Variants in TMEM59L observed in about 807,000 individuals in gnomAD.
The protein encoded by TMEM59L is transmembrane protein 59 like, also known as transmembrane protein 59-like.
TMEM59L carries 31 observed loss-of-function variants against 39.6 expected under a neutral mutation model. The ratio of observed to expected loss-of-function variants is 0.78; its 90% CI spans 0.59 to 1.06. The LOEUF is 1.06. Ranked by LOEUF, TMEM59L falls within the 50% of genes least tolerant of loss-of-function variation. The pLI is 0.00. For synonymous variants in TMEM59L, 219 were observed against 202.9 expected (o/e 1.08, Z -0.68); for missense variants, 441 against 451.3 (o/e 0.98, Z 0.21).
chr19:18,612,876 G>A lies in TMEM59L; in HGVS notation c.-83G>A. 8.6e-7 allele frequency: 1 copy of A among 1,161,296 alleles called. No individual in the cohort carries two copies. Among genetic ancestry groups the A allele is most frequent in the Non-Finnish European group, 1.1e-6 (1 of 922,458 alleles). 71.9% of individuals were successfully genotyped at this position (1,161,296 alleles called of 1,614,324 possible). A position where few individuals can be genotyped will look rare whatever the true frequency, so the allele number is the denominator to read the frequency against. ...GCTGCCTCGCTCGGGTGACGTCAGCGCCCCGGTCCCCGCCGCAGCCGCTGC... is the reference window on the plus strand; with the variant it reads ...GCTGCCTCGCTCGGGTGACGTCAGCACCCCGGTCCCCGCCGCAGCCGCTGC... On this transcript the variant is annotated 5_prime_UTR_variant, in exon 1 of 8. Transcript: ENST00000262817. This position sits in a 1 kb window ranked among gnomAD's most constrained non-coding sequence, Gnocchi z 6.2.
At position 18,618,683 on chromosome 19, in the gene TMEM59L, AT is replaced by A. The variant is rs1408495921; in HGVS notation, c.900+192del. On this transcript the variant is annotated intron_variant, in intron 7 of 7. Coordinates refer to ENST00000262817, the MANE Select transcript of TMEM59L (RefSeq NM_012109.3). ...TGTGTGTGTGTGTGTGTATATATAT[AT>A]ATATAATATATATATATATATTTTT... Among the ~76,000 whole-genome samples the A allele has an allele frequency of 3.6e-4, 50 of 136,996 alleles. 2 individuals are homozygous for A. Among genetic ancestry groups the A allele is most frequent in the South Asian group, 2.3e-4 (1 of 4,416 alleles). 89.9% of individuals were successfully genotyped at this position (136,996 alleles called of 152,430 possible).
rs112991391 is a variant in TMEM59L, at chr19:18,614,153, C to T, written c.366C>T (p.His122=). The part of the protein sequence containing the change: ...VKEAEQQACS[H]GCWSQPAEPE... ...AGGCAGAGCAGCAGGCCTGTAGCCA[C>T]GGCTGCTGGAGCCAGCCCGCGGAGC... is the stretch of plus-strand genomic sequence containing the variant. Residue 122 remains histidine (H), a synonymous_variant, in exon 3 of 8, where the codon CAC becomes CAT. Transcript: ENST00000262817. The T allele has an allele frequency of 2.2e-4, 358 of 1,609,426 alleles. 3 individuals carry two copies. The African/African-American group carries it at 2.7e-3, about 12-fold the overall frequency.
Position 18,620,521 on chromosome 19 carries a change from C to T in TMEM59L, c.1014C>T (p.Asp338=). The change falls in exon 8 of 8, where the codon GAC becomes GAT. Residue 338 remains aspartate, a synonymous_variant. Coordinates refer to ENST00000262817, the MANE Select transcript of TMEM59L (RefSeq NM_012109.3). ...TACCACCCTACAAGCTGAAGCTGGA[C>T]CTGACCAAGCTGTAGGCCTCCACTG... ...DSLPPYKLKL[D]LTKL is the part of the protein sequence containing the mutation. The T allele has an allele frequency of 1.2e-6, 2 of 1,613,734 alleles. No homozygotes were observed. The highest frequency in any genetic ancestry group is 2.2e-5 in the South Asian group (2 of 91,080).
At position 18,620,840 on chromosome 19, in the gene TMEM59L, T is replaced by C. The variant is rs946342805; in HGVS notation, c.*304T>C. ...CCCCAGTCCTGTGTCACCTTCCTTT[T>C]TCCTTCTATGTCCCCTCTCTGCGGG... On this transcript the variant is annotated 3_prime_UTR_variant, in exon 8 of 8. Transcript: ENST00000262817. 2 of 206,300 alleles carry C rather than the reference T, an allele frequency of 9.7e-6. No individual in the cohort carries two copies. The highest frequency in any genetic ancestry group is 1.8e-5 in the Non-Finnish European group (2 of 110,596). 12.8% of individuals were successfully genotyped at this position (206,300 alleles called of 1,614,324 possible).
Position 18,618,479 on chromosome 19 carries a change from ACCT to A in TMEM59L, c.889_891del (p.Leu297del), listed in dbSNP as rs1976456596. On this transcript the variant is annotated inframe_deletion, in exon 7 of 8. Transcript: ENST00000262817. The stretch of plus-strand genomic sequence containing the variant: ...ACCCTGGTGACCGCGCCTGGCCAGC[ACCT>A]CAAGTTCCAGGTGGGTGGGATCTGT... 1.2e-6 allele frequency: 2 copies of A among 1,602,752 alleles called. No individual in the cohort carries two copies. The highest frequency in any genetic ancestry group is 2.7e-5 in the African/African-American group (2 of 74,616).
Position 18,612,950 on chromosome 19 carries a change from CG to C in TMEM59L, c.-8del. On this transcript the variant is annotated 5_prime_UTR_variant, in exon 1 of 8. Transcript: ENST00000262817. The surrounding 1 kb of genome is among the most constrained non-coding windows in gnomAD (Gnocchi z 6.2). ...GGAGTCCCCCGCGCCCCCCGCGTTC[CG>C]CCCGGCCATGGCTGCGGTGGCGCTG... is the stretch of plus-strand genomic sequence containing the variant. The C allele has an allele frequency of 2.3e-6, 3 of 1,300,712 alleles. No individual in the cohort carries two copies. The highest frequency in any genetic ancestry group is 2.9e-6 in the Non-Finnish European group (3 of 1,029,030). 80.6% of individuals were successfully genotyped at this position (1,300,712 alleles called of 1,614,324 possible). A position where few individuals can be genotyped will look rare whatever the true frequency, so the allele number is the denominator to read the frequency against.
chr19:18,613,988 C>T lies in TMEM59L; in HGVS notation c.288C>T (p.Pro96=). The T allele has an allele frequency of 6.2e-7, 1 of 1,613,418 alleles. No individual in the cohort carries two copies. Among genetic ancestry groups the T allele is most frequent in the Non-Finnish European group, 8.5e-7 (1 of 1,180,028 alleles). Residue 96 remains proline (P), a synonymous_variant, in exon 2 of 8, where the codon CCC becomes CCT. Coordinates refer to ENST00000262817, the MANE Select transcript of TMEM59L (RefSeq NM_012109.3). ...ICRFVARSSK[P]NATQTECEAA... is the part of the protein sequence containing the mutation. ...GATTTGTGGCCAGAAGCTCCAAGCC[C>T]AATGCCACCCAAACTGAGTGTGAAG...
Position 18,612,949 on chromosome 19 carries a change from C to G in TMEM59L, c.-10C>G. The stretch of plus-strand genomic sequence containing the variant: ...TGGAGTCCCCCGCGCCCCCCGCGTT[C>G]CGCCCGGCCATGGCTGCGGTGGCGC... On this transcript the variant is annotated 5_prime_UTR_variant, in exon 1 of 8. Transcript: ENST00000262817. This position sits in a 1 kb window ranked among gnomAD's most constrained non-coding sequence, Gnocchi z 6.2. 1 of 1,300,222 alleles carries G rather than the reference C, an allele frequency of 7.7e-7. No homozygotes were observed. Among genetic ancestry groups the G allele is most frequent in the Non-Finnish European group, 9.7e-7 (1 of 1,028,792 alleles). The allele number at this position is 1,300,222 out of a possible 1,614,324, so 80.5% of individuals were successfully genotyped here.
intron 1 of TMEM59L, among the ~76,000 whole-genome samples, 153 bp downstream of exon 1, chr19:18,613,282 T>C (rs919139713): frequency 6.6e-6 from 1 of 152,024 alleles, no homozygotes; most frequent in Non-Finnish European, 1.5e-5. Context: ...ATCTCTCCAG[T>C]AGTTGACGGG....
chr19:18,620,620 G>A lies in TMEM59L; in HGVS notation c.*84G>A. The A allele has an allele frequency of 7.9e-6, 12 of 1,522,458 alleles. No individual in the cohort carries two copies. The highest frequency in any genetic ancestry group is 1.1e-5 in the Non-Finnish European group (12 of 1,135,624). 94.3% of individuals were successfully genotyped at this position (1,522,458 alleles called of 1,614,324 possible). On this transcript the variant is annotated 3_prime_UTR_variant, in exon 8 of 8. Transcript: ENST00000262817. ...GAGCCCAGGAGTCCAAGGGCAGGGT[G>A]GGTCCAGCCTTGAGCCCCTCCACCC...
At chr19:18,618,828 G>A (rs1376515946) in intron 7 of TMEM59L, among the ~76,000 whole-genome samples, 1 of 151,474 alleles carries the variant, frequency 6.6e-6, no homozygotes, top group Non-Finnish European at 1.5e-5. Context: ...CGAAGTAGCT[G>A]GGACTATGGG....
At position 18,617,021 on chromosome 19, in the gene TMEM59L, CTCGGCTTCCAGG is replaced by C; in HGVS notation, c.584_595del (p.Leu195_Gly199delinsArg). 6.2e-7 allele frequency: 1 copy of C among 1,612,256 alleles called. No individual in the cohort carries two copies. Among genetic ancestry groups the C allele is most frequent in the Non-Finnish European group, 8.5e-7 (1 of 1,179,296 alleles). On this transcript the variant is annotated inframe_deletion, in exon 5 of 8. Transcript: ENST00000262817. Reference sequence around the variant, plus strand: ...CCAGACTCAGCCCATAGTGGAGAGCCTCGGCTTCCAGGGGGGCCGTCTGCAGCGCGTGGAGGT... The same window carrying C: ...CCAGACTCAGCCCATAGTGGAGAGCCGGGGCCGTCTGCAGCGCGTGGAGGT...
At position 18,616,120 on chromosome 19, in the gene TMEM59L, T is replaced by A; in HGVS notation, c.554T>A (p.Val185Glu). ...CAGACTGACAATGGGAAAGTGGTGG[T>A]GTTTCAGGTGAGACCTCTGACAGGG... ...YLQTDNGKVV[V>E]FQTQPIVESL... Residue 185 changes from valine (V) to glutamate (E), a missense_variant, in exon 4 of 8, where the codon GTG becomes GAG. By Grantham distance (121) the Val-to-Glu change is moderately radical (BLOSUM62 -2). Transcript: ENST00000262817. 6.2e-7 allele frequency: 1 copy of A among 1,613,896 alleles called. No individual in the cohort carries two copies. The highest frequency in any genetic ancestry group is 1.1e-5 in the South Asian group (1 of 91,076).
chr19:18,616,150 C>T (rs775659894), intron 4 of TMEM59L, 23 bp downstream of exon 4: 28 of 1,612,224 alleles, frequency 1.7e-5, no homozygotes, highest in Admixed American at 1.7e-4. Context: ...ACAGGGGCCA[C>T]GCCAGAGTGG....
At position 18,618,186 on chromosome 19, in the gene TMEM59L, G is replaced by T. The variant is rs1976451860; in HGVS notation, c.696G>T (p.Lys232Asn). 1.9e-6 allele frequency: 3 copies of T among 1,613,684 alleles called. No homozygotes were observed. Among genetic ancestry groups the T allele is most frequent in the African/African-American group, 2.7e-5 (2 of 74,832 alleles). The change falls in exon 6 of 8, where the codon AAG becomes AAT. Residue 232 changes from lysine to asparagine, a missense_variant. Lys to Asn is a moderately conservative substitution (Grantham distance 94). Coordinates refer to ENST00000262817, the MANE Select transcript of TMEM59L (RefSeq NM_012109.3). Reference protein sequence around the residue: ...DPVGPLDKVRKAKIRVKTSSK... With the variant: ...DPVGPLDKVRNAKIRVKTSSK... ...TAGGCCCCCTGGACAAGGTGAGGAA[G>T]GCCAAGATCCGAGTCAAGACCAGCA...
chr19:18,620,567 AG>A lies in TMEM59L; in HGVS notation c.*36del. The A allele has an allele frequency of 2.5e-6, 4 of 1,607,590 alleles. No homozygotes were observed. The highest frequency in any genetic ancestry group is 8.5e-7 in the Non-Finnish European group (1 of 1,176,498). ...CACTGGCCCCATCACTGCCAACTGC[AG>A]GGGGCCCCTCGGGCCTCACTTGCCC... On this transcript the variant is annotated 3_prime_UTR_variant, in exon 8 of 8. Transcript: ENST00000262817.
intron 5 of TMEM59L, 43 bp downstream of exon 5, chr19:18,617,145 C>A: frequency 1.3e-6 from 2 of 1,495,150 alleles, no homozygotes; most frequent in South Asian, 1.1e-5. Flanking sequence ...TGGGTGGCCC[C>A]ACTGCCACAA....
chr19:18,616,747 T>C (rs1976432565), intron 4 of TMEM59L, among the ~76,000 whole-genome samples: 1 of 152,184 alleles, frequency 6.6e-6, no homozygotes, highest in African/African-American at 2.4e-5. Flanking sequence ...GGCTGGATCA[T>C]ATGACCATCT....
At chr19:18,617,989 A>G (rs1268589836) in intron 5 of TMEM59L, 166 bp from the exon 6 acceptor site, 10 of 673,946 alleles carry the variant, frequency 1.5e-5, no homozygotes, top group Admixed American at 4.8e-5. Context: ...TCCATCTCCC[A>G]GGGTTCCATG....
Sources: allele counts gnomAD v4.1 joint callset (sites outside exome capture counted in the v4.1 genomes callset), GRCh38; gene constraint gnomAD v4.1.1; non-coding constraint Gnocchi (gnomAD v3.1); transcripts MANE v1.5; gene names NCBI Gene and HGNC (gene_info 2026-07-23, HGNC 2026-07-21).